ZNF727: variants seen among roughly 807,000 people sequenced by gnomAD.
ZNF727 encodes zinc finger protein 727, also known as putative zinc finger protein 727.
In ZNF727, 11 loss-of-function variants were observed where a neutral mutation model predicts 11.5. The observed-to-expected ratio is 0.95, with a 90% confidence interval of 0.60 to 1.58. ZNF727 has a LOEUF of 1.58. ZNF727 is among the 40% of genes most tolerant of loss of function. ZNF727 has a pLI of 0.00. For synonymous variants in ZNF727, 171 were observed against 196.1 expected, an observed-to-expected ratio of 0.87 and a Z score of 1.07; for missense variants, 533 against 581.7, an observed-to-expected ratio of 0.92 and a Z score of 0.86.
intron 3 of ZNF727, among the ~76,000 whole-genome samples, chr7:64,070,623 C>T (rs976755124): frequency 3.3e-5 from 5 of 151,910 alleles, no homozygotes; most frequent in Non-Finnish European, 7.4e-5. Context: ...ACCTTACATA[C>T]TTACTTTTTT....
At position 64,080,405 on chromosome 7, in the gene ZNF727, G is replaced by T. The variant is rs1268889673; in HGVS notation, c.*1856G>T. 6.6e-6 allele frequency among the ~76,000 whole-genome samples: 1 copy of T among 151,958 alleles called. No homozygotes were observed. The highest frequency in any genetic ancestry group is 1.5e-5 in the Non-Finnish European group (1 of 67,994). On this transcript the variant is annotated 3_prime_UTR_variant, in exon 4 of 4. Transcript: ENST00000456806. The stretch of plus-strand genomic sequence containing the variant: ...CTTATTTCAGAAAGCCAGTCTTGAA[G>T]CTCTGAGATTCTTCCCTCTGCTTGG...
chr7:64,070,807 T>A (rs184658283), intron 3 of ZNF727, among the ~76,000 whole-genome samples: 4 of 152,156 alleles, frequency 2.6e-5, no homozygotes, highest in African/African-American at 7.2e-5. Context: ...AGCACTCACC[T>A]CTATACTCTC....
intron 1 of ZNF727, among the ~76,000 whole-genome samples, chr7:64,049,814 C>T (rs551815404): frequency 9.8e-4 from 149 of 151,372 alleles, no homozygotes; most frequent in African/African-American, 3.3e-3. Context: ...TGTAGGTTAG[C>T]AACAATCTAA....
chr7:64,069,702 C>T, intron 3 of ZNF727, 93 bp downstream of exon 3: 1 of 997,878 alleles, frequency 1.0e-6, no homozygotes, highest in Middle Eastern at 2.2e-4. Context: ...AGAAGCTCTG[C>T]TCCAGTGGAA....
intron 1 of ZNF727, among the ~76,000 whole-genome samples, chr7:64,066,336 A>G (rs1584149789): frequency 1.3e-5 from 2 of 152,286 alleles, no homozygotes; most frequent in East Asian, 3.9e-4. Flanking sequence ...AAAAGTGCAT[A>G]TAGCCAACAC....
rs1193858210 is a variant in ZNF727, at chr7:64,082,758, A to G, written c.*4209A>G. ...TTAGCCAGGTGTGGCGGCATGCACC[A>G]GTAGTCTCAGCTAATCGGGAGGCTG... is the stretch of plus-strand genomic sequence containing the variant. On this transcript the variant is annotated 3_prime_UTR_variant, in exon 4 of 4. Transcript: ENST00000456806. Among the ~76,000 whole-genome samples, 1 of 152,130 alleles carries G rather than the reference A, an allele frequency of 6.6e-6. No homozygotes were observed. Among genetic ancestry groups the G allele is most frequent in the Admixed American group, 6.6e-5 (1 of 15,266 alleles).
intron 1 of ZNF727, among the ~76,000 whole-genome samples, chr7:64,047,275 A>G (rs1207457509): frequency 2.6e-5 from 4 of 152,220 alleles, no homozygotes; most frequent in Non-Finnish European, 5.9e-5. Context: ...AGATCACATT[A>G]TCAACTATTA....
At chr7:64,073,410 C>T (rs1236864347) in intron 3 of ZNF727, among the ~76,000 whole-genome samples, 1 of 150,500 alleles carries the variant, frequency 6.6e-6, no homozygotes, top group African/African-American at 2.4e-5. Flanking sequence ...CAAAATTTTT[C>T]AACAATTATT....
chr7:64,066,177 AT>A (rs1789863559), intron 1 of ZNF727, among the ~76,000 whole-genome samples: 1 of 149,748 alleles, frequency 6.7e-6, no homozygotes, highest in African/African-American at 2.4e-5. Context: ...TGAAAAAAAA[AT>A]TCATGCTCAT....
rs760947129 is a variant in ZNF727 at position 64,077,997 on chromosome 7, A to G, written c.948A>G (p.Glu316=). 2 of 1,604,522 alleles carry G rather than the reference A, an allele frequency of 1.2e-6. No homozygotes were observed. The highest frequency in any genetic ancestry group is 1.7e-6 in the Non-Finnish European group (2 of 1,175,156). The change falls in exon 4 of 4, where the codon GAA becomes GAG. Residue 316 remains glutamate, a synonymous_variant. Coordinates refer to ENST00000456806, the MANE Select transcript of ZNF727 (RefSeq NM_001159522.3). ...GAGAGAAACCCTACAAATGTAATGA[A>G]TGTGGAAAAGCTTTTATGTGGATCT... ...HTGEKPYKCN[E]CGKAFMWISA...
At chr7:64,075,075 A>G (rs533466081) in intron 3 of ZNF727, among the ~76,000 whole-genome samples, 2 of 152,264 alleles carry the variant, frequency 1.3e-5, no homozygotes, top group South Asian at 2.1e-4. Flanking sequence ...GGCACACCAT[A>G]TATTAAAATC....
Position 64,081,889 on chromosome 7 carries a change from C to T in ZNF727, c.*3340C>T, listed in dbSNP as rs1785799267. 6.6e-6 allele frequency among the ~76,000 whole-genome samples: 1 copy of T among 152,036 alleles called. No individual in the cohort carries two copies. Among genetic ancestry groups the T allele is most frequent in the African/African-American group, 2.4e-5 (1 of 41,408 alleles). ...GGTACCACATGAGCTGGGTTGCTGC[C>T]CCACCTCTTTGCCTGTCTTCTGGTT... On this transcript the variant is annotated 3_prime_UTR_variant, in exon 4 of 4. Coordinates refer to ENST00000456806, the MANE Select transcript of ZNF727 (RefSeq NM_001159522.3).
chr7:64,069,731 T>A, intron 3 of ZNF727, 122 bp downstream of exon 3: 1 of 783,976 alleles, frequency 1.3e-6, no homozygotes, highest in Non-Finnish European at 2.0e-6. Context: ...TGAGAAGCCT[T>A]CATTTCTTTC....
rs1329302697 is a variant in ZNF727 at position 64,082,972 on chromosome 7, A to G, written c.*4423A>G. On this transcript the variant is annotated 3_prime_UTR_variant, in exon 4 of 4. Transcript: ENST00000456806. ...CCACTTCCACCCCCAGTTTATTTGG[A>G]CTCTTCAAAGCCAGAAGGCTGGAAC... 6.6e-6 allele frequency among the ~76,000 whole-genome samples: 1 copy of G among 152,036 alleles called. No individual in the cohort carries two copies. Among genetic ancestry groups the G allele is most frequent in the East Asian group, 1.9e-4 (1 of 5,180 alleles).
Position 64,081,618 on chromosome 7 carries a change from A to G in ZNF727, c.*3069A>G, listed in dbSNP as rs1001374589. On this transcript the variant is annotated 3_prime_UTR_variant, in exon 4 of 4. Coordinates refer to ENST00000456806, the MANE Select transcript of ZNF727 (RefSeq NM_001159522.3). ...GGCCCACCAGTGCAGATGCTATGGT[A>G]TGGGCTCCTAGGGTACCTGAGACTG... 1.7e-4 allele frequency among the ~76,000 whole-genome samples: 26 copies of G among 152,086 alleles called. No individual in the cohort carries two copies. The highest frequency in any genetic ancestry group is 6.3e-4 in the African/African-American group (26 of 41,416).
chr7:64,076,593 C>T (rs1193373738), intron 3 of ZNF727, among the ~76,000 whole-genome samples: 1 of 148,972 alleles, frequency 6.7e-6, no homozygotes, highest in African/African-American at 2.5e-5. Flanking sequence ...GAATTTGTCT[C>T]AAAAAAAAAA....
chr7:64,049,958 T>C (rs904571222), intron 1 of ZNF727, among the ~76,000 whole-genome samples: 1 of 151,754 alleles, frequency 6.6e-6, no homozygotes, highest in Admixed American at 6.6e-5. Flanking sequence ...TAAAATCTCA[T>C]GAAACATTAG....
intron 3 of ZNF727, among the ~76,000 whole-genome samples, chr7:64,071,706 G>A (rs2116318311): frequency 6.6e-6 from 1 of 152,052 alleles, no homozygotes; most frequent in Middle Eastern, 3.4e-3. Context: ...TTTCTTTTAA[G>A]ATTATTAAGA....
chr7:64,050,420 G>T (rs1466770994), intron 1 of ZNF727, among the ~76,000 whole-genome samples: 3 of 152,126 alleles, frequency 2.0e-5, no homozygotes, highest in Admixed American at 6.6e-5. Flanking sequence ...CAGGTACCCT[G>T]CCAAAGAAGG....
Sources: gnomAD v4.1 joint callset for allele counts (sites outside exome capture counted in the v4.1 genomes callset) on GRCh38, gnomAD v4.1.1 for gene constraint, MANE v1.5 for transcripts, NCBI Gene and HGNC (gene_info 2026-07-23, HGNC 2026-07-21) for gene names.